WDR49: variants seen among roughly 807,000 people sequenced by gnomAD.
WDR49 encodes the protein cilia- and flagella-associated protein 337.
A neutral mutation model predicts 119.5 loss-of-function variants in WDR49; 107 were observed. The observed-to-expected ratio is 0.90, with a 90% CI of 0.77 to 1.05. The LOEUF (loss-of-function observed/expected upper bound fraction) is 1.05, where lower values mean the gene tolerates loss of function less well. WDR49 is among the 50% of genes least tolerant of loss of function. The pLI, the probability that WDR49 is intolerant of heterozygous loss-of-function variation, is 0.00. For missense variants in WDR49, 1,240 were observed against 1,220.5 expected, an observed-to-expected ratio of 1.02 and a Z score of -0.24; for synonymous variants, 425 against 418.8, an observed-to-expected ratio of 1.01 and a Z score of -0.18.
chr3:167,574,806 A>G (rs1344986951), intron 8 of WDR49, among the ~76,000 whole-genome samples: 6 of 152,348 alleles, frequency 3.9e-5, no homozygotes, highest in African/African-American at 1.2e-4. Flanking sequence ...TTCTCTTGGA[A>G]GCAAATACAT....
chr3:167,605,406 C>T (rs1171504338), intron 5 of WDR49, among the ~76,000 whole-genome samples: 2 of 151,966 alleles, frequency 1.3e-5, no homozygotes, highest in African/African-American at 2.4e-5. Context: ...TTACAGATAT[C>T]GTCTCTCAAA....
intron 10 of WDR49, 109 bp from the exon 11 acceptor site, chr3:167,537,109 G>T: frequency 8.8e-7 from 1 of 1,139,680 alleles, no homozygotes; most frequent in Non-Finnish European, 1.1e-6. Flanking sequence ...AGACTATGCT[G>T]CCCAAAATTT....
intron 7 of WDR49, among the ~76,000 whole-genome samples, chr3:167,600,533 T>A (rs536216181): frequency 6.6e-6 from 1 of 152,118 alleles, no homozygotes; most frequent in African/African-American, 2.4e-5. Flanking sequence ...AAATTTGGTG[T>A]TCCTATTGGG....
In WDR49 at chr3:167,505,339, G is replaced by A; in HGVS notation, c.2852C>T (p.Pro951Leu). Residue 951 changes from proline to leucine, a missense_variant, in exon 17 of 19, where the codon CCT becomes CTT. Pro to Leu is a moderately conservative substitution (Grantham distance 98, BLOSUM62 -3). Coordinates refer to ENST00000682715, the MANE Select transcript of WDR49 (RefSeq NM_001366157.1). ...RSTCMKETQK[P>L]YYGEVIKKSF... ...TTTTTTTATAACTTCACCATAATAA[G>A]GTTTTTGTGTTTCTTTCATGCAGGT... is the stretch of plus-strand genomic sequence containing the variant. 6.6e-7 allele frequency: 1 copy of A among 1,523,586 alleles called. No individual in the cohort carries two copies. Among genetic ancestry groups the A allele is most frequent in the Non-Finnish European group, 8.7e-7 (1 of 1,143,618 alleles). The allele number at this position is 1,523,586 out of a possible 1,614,324, so 94.4% of individuals were successfully genotyped here. A position where few individuals can be genotyped will look rare whatever the true frequency, so the allele number is the denominator to read the frequency against.
chr3:167,617,833 T>C (rs9864282), intron 5 of WDR49, among the ~76,000 whole-genome samples: 41,272 of 152,058 alleles, frequency 0.27, 5,933 homozygotes, highest in African/African-American at 0.35. Context: ...ATCATTTCCA[T>C]TTTCTAATGA....
At chr3:167,512,896 C>A (rs1752035728) in intron 16 of WDR49, among the ~76,000 whole-genome samples, 1 of 151,830 alleles carries the variant, frequency 6.6e-6, no homozygotes. Flanking sequence ...GACAGGCAGA[C>A]AAGATAAGAG....
chr3:167,519,234 A>G (rs1752334058), intron 16 of WDR49, among the ~76,000 whole-genome samples: 1 of 152,214 alleles, frequency 6.6e-6, no homozygotes. Flanking sequence ...TCAAAGACCT[A>G]GAACCAGAAA....
chr3:167,513,284 T>C (rs887748026), intron 16 of WDR49, among the ~76,000 whole-genome samples: 89 of 151,754 alleles, frequency 5.9e-4, no homozygotes, highest in African/African-American at 1.9e-3. Flanking sequence ...CCAGAAGAGA[T>C]TGGGGGGAGG....
At chr3:167,585,898 A>G (rs1714790209) in intron 7 of WDR49, among the ~76,000 whole-genome samples, 1 of 152,174 alleles carries the variant, frequency 6.6e-6, no homozygotes, top group African/African-American at 2.4e-5. Flanking sequence ...TTTTTGCACT[A>G]CATGCTTCCT....
intron 7 of WDR49, among the ~76,000 whole-genome samples, chr3:167,584,503 A>G (rs187220956): frequency 1.6e-4 from 24 of 152,306 alleles, no homozygotes; most frequent in African/African-American, 5.5e-4. Context: ...AAAAAGAAAA[A>G]CAATAAGTAG....
chr3:167,522,009 G>GATAGACAT (rs1752464009), intron 16 of WDR49, among the ~76,000 whole-genome samples: 1 of 144,068 alleles, frequency 6.9e-6, no homozygotes, highest in African/African-American at 2.6e-5. Context: ...TAGATAGATA[G>GATAGACAT]ATAGATAGAT....
chr3:167,626,737 G>T, intron 3 of WDR49, 115 bp downstream of exon 3: 2 of 831,158 alleles, frequency 2.4e-6, no homozygotes, highest in South Asian at 1.3e-4. Flanking sequence ...CTCCCTCCAG[G>T]TCAGGAGAAA....
chr3:167,608,403 A>T (rs570977239), intron 5 of WDR49, among the ~76,000 whole-genome samples: 1 of 152,328 alleles, frequency 6.6e-6, no homozygotes, highest in South Asian at 2.1e-4. Flanking sequence ...CCAGGTTATA[A>T]AGAAAGACAT....
intron 2 of WDR49, among the ~76,000 whole-genome samples, chr3:167,644,569 C>T (rs1718030549): frequency 1.3e-5 from 2 of 151,956 alleles, no homozygotes; most frequent in Admixed American, 6.6e-5. Context: ...TTTACTTATC[C>T]ATTCATCCAG....
intron 2 of WDR49, among the ~76,000 whole-genome samples, chr3:167,628,905 G>C (rs1355963870): frequency 3.3e-5 from 5 of 152,092 alleles, no homozygotes; most frequent in African/African-American, 1.2e-4. Flanking sequence ...TAACTGGTGA[G>C]TTTAAGCTGA....
At chr3:167,555,197 G>A (rs1026650721) in intron 9 of WDR49, among the ~76,000 whole-genome samples, 1 of 152,070 alleles carries the variant, frequency 6.6e-6, no homozygotes, top group Non-Finnish European at 1.5e-5. Context: ...ATCTCCAGTG[G>A]TCAGTGATGG....
At chr3:167,617,281 C>T (rs749829434) in intron 5 of WDR49, among the ~76,000 whole-genome samples, 2 of 152,200 alleles carry the variant, frequency 1.3e-5, no homozygotes, top group African/African-American at 2.4e-5. Flanking sequence ...AATCCCAGGA[C>T]TGTGGGAGGC....
At chr3:167,486,461 T>C (rs1011848134) in intron 18 of WDR49, among the ~76,000 whole-genome samples, 2 of 152,048 alleles carry the variant, frequency 1.3e-5, no homozygotes, top group African/African-American at 4.8e-5. Context: ...TAAGGCGGCA[T>C]GCTGGTTACA....
At chr3:167,593,042 G>T (rs1281027321) in intron 7 of WDR49, among the ~76,000 whole-genome samples, 1 of 151,908 alleles carries the variant, frequency 6.6e-6, no homozygotes, top group Non-Finnish European at 1.5e-5. Context: ...CTTTATCCTT[G>T]ACCTTTGGGA....
Sources: allele counts gnomAD v4.1 joint callset (sites outside exome capture counted in the v4.1 genomes callset), GRCh38; gene constraint gnomAD v4.1.1; transcripts MANE v1.5; gene names NCBI Gene and HGNC (gene_info 2026-07-23, HGNC 2026-07-21).